AIG1: variants seen among roughly 807,000 people sequenced by gnomAD.
AIG1 encodes the protein androgen induced 1.
AIG1 carries 23 observed loss-of-function variants against 31.4 expected under a neutral mutation model. The ratio of observed to expected loss-of-function variants is 0.73; its 90% confidence interval spans 0.53 to 1.04. AIG1 has a LOEUF of 1.04. AIG1 is among the 50% of genes least tolerant of loss of function. The probability of loss-of-function intolerance (pLI) is 0.00; values close to 1 mark genes in which losing one functional copy is unlikely to be tolerated. For missense variants in AIG1, 274 were observed against 295.0 expected (o/e 0.93, Z 0.52); for synonymous variants, 100 against 110.5 (o/e 0.90, Z 0.60).
rs1430753020 is a variant in AIG1, at chr6:143,279,355, CAT to C, written c.400-4754_400-4753del. On this transcript the variant is annotated intron_variant, in intron 3 of 5. Coordinates refer to ENST00000357847, the MANE Select transcript of AIG1 (RefSeq NM_016108.4). The surrounding 1 kb of genome is among the most constrained non-coding windows in gnomAD (Gnocchi z 5.4). ...ACAAAGAATAATACTAAGCTTCACA[CAT>C]GTGTGAGAACCTGCGGGTCTGAGAG... Among the ~76,000 whole-genome samples, 1 of 152,188 alleles carries C rather than the reference CAT, an allele frequency of 6.6e-6. No homozygotes were observed. The highest frequency in any genetic ancestry group is 2.4e-5 in the African/African-American group (1 of 41,442).
intron 3 of AIG1, among the ~76,000 whole-genome samples, chr6:143,251,206 C>A (rs1794987632): frequency 1.3e-5 from 2 of 152,124 alleles, no homozygotes; most frequent in South Asian, 4.1e-4. Context: ...GCGTGCGCCA[C>A]CACGCCCGGC....
intron 3 of AIG1, among the ~76,000 whole-genome samples, chr6:143,176,107 A>G (rs1788132923): frequency 6.6e-6 from 1 of 152,178 alleles, no homozygotes; most frequent in South Asian, 2.1e-4. Context: ...TGGAGCTGCC[A>G]GGCTCTGGCT....
At chr6:143,127,844 C>T (rs543509890) in intron 1 of AIG1, among the ~76,000 whole-genome samples, 172 of 152,172 alleles carry the variant, frequency 1.1e-3, no homozygotes, top group Non-Finnish European at 1.6e-3. Flanking sequence ...TGCACCACCA[C>T]GCCCAGCTAC....
chr6:143,170,135 T>C (rs1244069676), intron 3 of AIG1, among the ~76,000 whole-genome samples: 1 of 152,150 alleles, frequency 6.6e-6, no homozygotes, highest in Non-Finnish European at 1.5e-5. Context: ...TCCCCTTTAA[T>C]TTTTTGGAAT....
chr6:143,266,518 G>T (rs1796170137), intron 3 of AIG1, among the ~76,000 whole-genome samples: 1 of 152,106 alleles, frequency 6.6e-6, no homozygotes, highest in Admixed American at 6.5e-5. Context: ...ACTATGTGGG[G>T]TGTTGGATAT....
At chr6:143,252,726 C>T (rs1010015770) in intron 3 of AIG1, among the ~76,000 whole-genome samples, 1 of 152,196 alleles carries the variant, frequency 6.6e-6, no homozygotes, top group African/African-American at 2.4e-5. Flanking sequence ...CTTAAAACAA[C>T]GCACATTTAT....
At chr6:143,337,732 C>T (rs903919665) in intron 5 of AIG1, among the ~76,000 whole-genome samples, 4 of 152,094 alleles carry the variant, frequency 2.6e-5, no homozygotes, top group African/African-American at 9.7e-5. Context: ...CAGGTCATTT[C>T]CCCCCAGGCC....
chr6:143,165,235 T>C, intron 3 of AIG1, 52 bp downstream of exon 3: 1 of 1,427,270 alleles, frequency 7.0e-7, no homozygotes, highest in Non-Finnish European at 9.9e-7. Flanking sequence ...ATCTATTAAA[T>C]AGCTATGATC....
At chr6:143,188,551 C>T (rs1208278559) in intron 3 of AIG1, 2 of 985,222 alleles carry the variant, frequency 2.0e-6, no homozygotes, top group African/African-American at 1.7e-5. Context: ...AAGTTTGGGG[C>T]AGTCAAGGTG....
At chr6:143,322,901 A>G (rs1776334341) in intron 4 of AIG1, among the ~76,000 whole-genome samples, 1 of 152,158 alleles carries the variant, frequency 6.6e-6, no homozygotes, top group Non-Finnish European at 1.5e-5. Flanking sequence ...GAAAAATATT[A>G]TATATTTCTG....
chr6:143,303,881 T>C (rs972635011), intron 4 of AIG1, among the ~76,000 whole-genome samples: 2 of 148,222 alleles, frequency 1.3e-5, no homozygotes, highest in African/African-American at 5.0e-5. Context: ...TTCCATTTGT[T>C]TGTATCCTCT....
intron 3 of AIG1, among the ~76,000 whole-genome samples, chr6:143,274,625 G>A (rs545630202): frequency 3.9e-5 from 6 of 152,176 alleles, no homozygotes; most frequent in African/African-American, 7.2e-5. Context: ...ACAGCAGTCC[G>A]TTGGAGGCAA....
chr6:143,208,738 C>T (rs924823684), intron 3 of AIG1, among the ~76,000 whole-genome samples: 3 of 152,086 alleles, frequency 2.0e-5, no homozygotes, highest in South Asian at 2.1e-4. Flanking sequence ...CATCAAAAGC[C>T]TTTCTAAACC....
At chr6:143,274,346 A>G (rs900840981) in intron 3 of AIG1, among the ~76,000 whole-genome samples, 2 of 152,368 alleles carry the variant, frequency 1.3e-5, no homozygotes, top group African/African-American at 4.8e-5. Context: ...CTTGTGCCTC[A>G]GTCTCTGTAA....
intron 2 of AIG1, among the ~76,000 whole-genome samples, chr6:143,154,040 C>T (rs1785489841): frequency 6.6e-6 from 1 of 151,732 alleles, no homozygotes; most frequent in African/African-American, 2.4e-5. Context: ...CACTTGAAAC[C>T]AGGAGTTCGT....
chr6:143,269,896 C>G (rs1284506953), intron 3 of AIG1, among the ~76,000 whole-genome samples: 1 of 152,152 alleles, frequency 6.6e-6, no homozygotes, highest in Non-Finnish European at 1.5e-5. Flanking sequence ...TTGCTGGTTA[C>G]TGGAGTGAGT....
intron 4 of AIG1, among the ~76,000 whole-genome samples, chr6:143,309,347 T>C (rs1171011903): frequency 6.6e-6 from 1 of 152,016 alleles, no homozygotes. Flanking sequence ...AAGAAGAGCA[T>C]AGAATAAGGA....
In AIG1 at chr6:143,231,557, A is replaced by C. The variant is rs73781121; in HGVS notation, c.400-52553A>C. ...GCATAGCTATAGACCAGTAACGTCC[A>C]GCAGAAATATAATGCAAGCCACAAA... is the stretch of plus-strand genomic sequence containing the variant. On this transcript the variant is annotated intron_variant, in intron 3 of 5. Transcript: ENST00000357847. 9.0e-3 allele frequency among the ~76,000 whole-genome samples: 1,378 copies of C among 152,352 alleles called. 13 individuals carry two copies. The highest frequency in any genetic ancestry group is 0.031 in the African/African-American group (1,297 of 41,574).
chr6:143,269,398 C>T lies in AIG1; in HGVS notation c.400-14712C>T, dbSNP rs929908581. On this transcript the variant is annotated intron_variant, in intron 3 of 5. Coordinates refer to ENST00000357847, the MANE Select transcript of AIG1 (RefSeq NM_016108.4). ...TCTATTGGTACAATCATTTGGAAAA[C>T]TCTTTGACTCTGTCTGTTAAAGTTG... 3.9e-5 allele frequency among the ~76,000 whole-genome samples: 6 copies of T among 152,320 alleles called. No individual in the cohort carries two copies. The East Asian group carries it at 9.6e-4, about 24-fold the overall frequency.
Sources: allele counts gnomAD v4.1 joint callset (sites outside exome capture counted in the v4.1 genomes callset), GRCh38; gene constraint gnomAD v4.1.1; non-coding constraint Gnocchi (gnomAD v3.1); transcripts MANE v1.5; gene names NCBI Gene and HGNC (gene_info 2026-07-23, HGNC 2026-07-21).